CD99: variants seen among roughly 807,000 people sequenced by gnomAD.
The protein encoded by CD99 is CD99 molecule (Xg blood group), also known as CD99 antigen.
CD99 carries 19 observed loss-of-function variants against 28.4 expected under a neutral mutation model. The ratio of observed to expected loss-of-function variants is 0.67; its 90% confidence interval spans 0.47 to 0.98. CD99 has a LOEUF of 0.98. Ranked by LOEUF, CD99 falls within the 50% of genes least tolerant of loss-of-function variation. The pLI, the probability that CD99 is intolerant of heterozygous loss-of-function variation, is 0.00. For synonymous variants in CD99, 103 were observed against 92.1 expected (o/e 1.12, Z -0.67); for missense variants, 283 against 248.8 (o/e 1.14, Z -0.92).
At chrX:2,692,052 T>A (rs2047333710) in intron 1 of CD99, 1 of 629,056 alleles carries the variant, frequency 1.6e-6, no homozygotes, top group Non-Finnish European at 2.9e-6. Context: ...GCTTACCAAA[T>A]TGTCCATCTG....
At chrX:2,700,147 C>T (rs2047777287) in intron 1 of CD99, among the ~76,000 whole-genome samples, 1 of 152,104 alleles carries the variant, frequency 6.6e-6, no homozygotes, top group Non-Finnish European at 1.5e-5. Flanking sequence ...AACAGAGCTC[C>T]CCAGGCACGG....
intron 1 of CD99, 142 bp from the exon 2 acceptor site, chrX:2,714,280 A>G (rs1418832030): frequency 1.6e-6 from 1 of 613,162 alleles, no homozygotes; most frequent in Admixed American, 3.2e-5. Context: ...ATGAGAAGAG[A>G]AATCACGCAC....
At chrX:2,722,707 T>A (rs1569442802) in intron 6 of CD99, 33 bp downstream of exon 6, 1 of 1,609,438 alleles carries the variant, frequency 6.2e-7, no homozygotes, top group South Asian at 1.1e-5. Context: ...CTCTTTTCTC[T>A]CTCCATCCCA....
At chrX:2,700,542 G>A (rs967674102) in intron 1 of CD99, among the ~76,000 whole-genome samples, 5 of 145,570 alleles carry the variant, frequency 3.4e-5, no homozygotes, top group African/African-American at 7.7e-5. Context: ...CCATCCATGC[G>A]TGCATCCATC....
rs1165552730 is a variant in CD99 at position 2,717,188 on chromosome X, A to T, written c.101-417A>T. Reference sequence around the variant, plus strand: ...GTGGTGAAACCCCATCTCTGCTAAAAATACAAAAAATTAGCCGGGAGTGAT... The same window carrying T: ...GTGGTGAAACCCCATCTCTGCTAAATATACAAAAAATTAGCCGGGAGTGAT... On this transcript the variant is annotated intron_variant, in intron 2 of 9. Coordinates refer to ENST00000381192, the MANE Select transcript of CD99 (RefSeq NM_002414.5). Among the ~76,000 whole-genome samples the T allele has an allele frequency of 3.3e-5, 5 of 152,204 alleles. No individual in the cohort carries two copies. In the East Asian group the frequency reaches 9.7e-4, roughly 29 times the overall value.
intron 1 of CD99, among the ~76,000 whole-genome samples, chrX:2,705,677 T>G (rs1339664265): frequency 6.6e-5 from 10 of 152,162 alleles, no homozygotes; most frequent in Non-Finnish European, 1.5e-4. Context: ...GTCGCCATGG[T>G]GTCTCTGAGC....
rs192212026 is a variant in CD99, at chrX:2,708,267, G to T, written c.68-6155G>T. On this transcript the variant is annotated intron_variant, in intron 1 of 9. Transcript: ENST00000381192. ...TACCAGATTCCACCAGGGAGTGAAC[G>T]TCTGATTATGGGTGATTCAGGGTGC... Among the ~76,000 whole-genome samples, 13 of 152,200 alleles carry T rather than the reference G, an allele frequency of 8.5e-5. No homozygotes were observed. The South Asian group carries it at 2.3e-3, about 27-fold the overall frequency.
Position 2,723,536 on chromosome X carries a change from C to T in CD99, c.361+172C>T, listed in dbSNP as rs2049111216. 9.8e-6 allele frequency: 7 copies of T among 717,242 alleles called. No homozygotes were observed. The South Asian group carries it at 1.1e-4, about 12-fold the overall frequency. The allele number at this position is 717,242 out of a possible 1,614,324, so 44.4% of individuals were successfully genotyped here. A position where few individuals can be genotyped will look rare whatever the true frequency, so the allele number is the denominator to read the frequency against. On this transcript the variant is annotated intron_variant, in intron 7 of 9. Coordinates refer to ENST00000381192, the MANE Select transcript of CD99 (RefSeq NM_002414.5). ...CAAGTGATGTAGCTGCAGAGGTCCC[C>T]CAGCAAACCAGCCCTGCTCCGGGTG... is the stretch of plus-strand genomic sequence containing the variant.
intron 5 of CD99, 28 bp downstream of exon 5, chrX:2,720,452 C>T (rs2048938234): frequency 6.3e-7 from 1 of 1,598,762 alleles, no homozygotes; most frequent in South Asian, 1.1e-5. Context: ...TGTGGGATGT[C>T]TTCATGTTGT....
chrX:2,722,459 T>C (rs987918467), intron 5 of CD99, 168 bp from the exon 6 acceptor site: 1 of 159,246 alleles, frequency 6.3e-6, no homozygotes, highest in African/African-American at 2.4e-5. Flanking sequence ...TAGCTGGGAT[T>C]ACATGTGCCT....
intron 1 of CD99, among the ~76,000 whole-genome samples, chrX:2,702,795 T>G (rs748069160): frequency 1.3e-5 from 2 of 152,218 alleles, no homozygotes; most frequent in Admixed American, 1.3e-4. Flanking sequence ...TTTTTTTATT[T>G]TTTTTGGATG....
At chrX:2,719,396 T>TC (rs2048889731) in intron 3 of CD99, 2 of 418,948 alleles carry the variant, frequency 4.8e-6, no homozygotes, top group Admixed American at 5.3e-5. Context: ...TCTCTCTCTC[T>TC]CTCCCCACTG....
chrX:2,737,762 C>T (rs1175778260), intron 8 of CD99: 19 of 325,498 alleles, frequency 5.8e-5, no homozygotes, highest in African/African-American at 8.6e-5. Context: ...TCCCAAAGTG[C>T]TGGGATTACA....
chrX:2,713,100 A>G (rs1020112496), intron 1 of CD99, among the ~76,000 whole-genome samples: 86 of 149,406 alleles, frequency 5.8e-4, no homozygotes, highest in Non-Finnish European at 1.2e-3. Flanking sequence ...GCACATGAAA[A>G]ACACATATAC....
At chrX:2,739,895 G>A (rs946345487) in intron 9 of CD99, among the ~76,000 whole-genome samples, 13 of 144,098 alleles carry the variant, frequency 9.0e-5, no homozygotes, top group African/African-American at 3.1e-4. Flanking sequence ...GACCAACATG[G>A]AGAAACCACG....
chrX:2,724,771 C>G (rs312189), intron 7 of CD99, among the ~76,000 whole-genome samples: 66,355 of 151,632 alleles, frequency 0.44, 16,660 homozygotes, highest in African/African-American at 0.69. Context: ...TGGGCGTGTG[C>G]CATGCACCTG....
At chrX:2,694,036 A>G (rs893263613) in intron 1 of CD99, among the ~76,000 whole-genome samples, 1 of 152,150 alleles carries the variant, frequency 6.6e-6, no homozygotes, top group Non-Finnish European at 1.5e-5. Context: ...TGGGAGTTGC[A>G]TGTATGCGCT....
chrX:2,736,808 T>G (rs75011836), intron 8 of CD99, among the ~76,000 whole-genome samples: 9 of 151,330 alleles, frequency 5.9e-5, no homozygotes, highest in Admixed American at 1.3e-4. Flanking sequence ...AGTGAGCTGA[T>G]ATCGCGCCAC....
chrX:2,728,290 C>T (rs1223035863), intron 8 of CD99, among the ~76,000 whole-genome samples: 4 of 150,496 alleles, frequency 2.7e-5, no homozygotes, highest in Non-Finnish European at 5.9e-5. Flanking sequence ...CTGCAACCTC[C>T]ACCTCCCGGG....
Sources: allele counts gnomAD v4.1 joint callset (sites outside exome capture counted in the v4.1 genomes callset), GRCh38; gene constraint gnomAD v4.1.1; transcripts MANE v1.5; gene names NCBI Gene and HGNC (gene_info 2026-07-23, HGNC 2026-07-21).